The following SHISA9 variants were observed in gnomAD, a reference collection of about 807,000 sequenced individuals.
The protein encoded by SHISA9 is shisa family member 9, also known as protein shisa-9.
In SHISA9, 13 loss-of-function variants were observed where a neutral mutation model predicts 38.0. The observed-to-expected ratio is 0.34, with a 90% confidence interval of 0.22 to 0.54. The LOEUF is 0.54. SHISA9 is among the 20% of genes least tolerant of loss of function. The probability of loss-of-function intolerance (pLI) is 0.91; values close to 1 mark genes in which losing one functional copy is unlikely to be tolerated. For synonymous variants in SHISA9, 275 were observed against 242.0 expected, an observed-to-expected ratio of 1.14 and a Z score of -1.27; for missense variants, 538 against 575.8, an observed-to-expected ratio of 0.93 and a Z score of 0.67.
At chr16:13,424,432 G>A in the SHISA9 span, among the ~76,000 whole-genome samples, 3 of 152,156 alleles carry the variant, frequency 2.0e-5, no homozygotes, top group African/African-American at 7.2e-5. Flanking sequence ...AAACCCCTAG[G>A]CATCAGCCCT....
At chr16:13,146,142 AT>A (rs1213037661) in intron 2 of SHISA9, among the ~76,000 whole-genome samples, 4 of 152,216 alleles carry the variant, frequency 2.6e-5, no homozygotes, top group African/African-American at 9.6e-5. Flanking sequence ...GTGAGCCGAG[AT>A]TGCACCACTG....
the SHISA9 span, among the ~76,000 whole-genome samples, chr16:13,435,185 A>G: frequency 1.3e-5 from 2 of 151,662 alleles, no homozygotes; most frequent in African/African-American, 4.8e-5. Context: ...CATTTTAACC[A>G]TATTTATTCC....
the SHISA9 span, among the ~76,000 whole-genome samples, chr16:13,477,439 C>T: frequency 6.6e-6 from 1 of 152,170 alleles, no homozygotes; most frequent in Non-Finnish European, 1.5e-5. Context: ...CATATAAAAT[C>T]ACAGAGGCTT....
chr16:13,400,625 T>G, the SHISA9 span, among the ~76,000 whole-genome samples: 1 of 152,204 alleles, frequency 6.6e-6, no homozygotes, highest in Non-Finnish European at 1.5e-5. Flanking sequence ...GGAAGACAGT[T>G]GCTGCCAGGG....
At chr16:13,549,910 C>G in the SHISA9 span, among the ~76,000 whole-genome samples, 1 of 151,806 alleles carries the variant, frequency 6.6e-6, no homozygotes, top group Admixed American at 6.6e-5. Context: ...GTAATCCCAG[C>G]TACTTGGGAG....
chr16:13,511,248 A>G, the SHISA9 span, among the ~76,000 whole-genome samples: 1 of 152,212 alleles, frequency 6.6e-6, no homozygotes, highest in African/African-American at 2.4e-5. Context: ...CTGTATTGCT[A>G]GATATAGGGA....
At chr16:13,274,002 A>C in the SHISA9 span, among the ~76,000 whole-genome samples, 10 of 152,158 alleles carry the variant, frequency 6.6e-5, no homozygotes, top group Non-Finnish European at 2.9e-5. Context: ...TTTAGAAAAG[A>C]ATCATTCACT....
chr16:13,065,857 A>G (rs1333205475), intron 2 of SHISA9, among the ~76,000 whole-genome samples: 4 of 152,242 alleles, frequency 2.6e-5, no homozygotes, highest in Admixed American at 2.6e-4. Context: ...CAAAGGACTG[A>G]CTTCCACAGC....
At chr16:13,256,405 T>C in the SHISA9 span, among the ~76,000 whole-genome samples, 108,998 of 152,116 alleles carry the variant, frequency 0.72, 39,231 homozygotes, top group Admixed American at 0.79. Flanking sequence ...CCTCCGCCTC[T>C]CAAGTAGCTG....
chr16:13,023,207 C>T (rs2072878789), intron 2 of SHISA9, among the ~76,000 whole-genome samples: 1 of 151,914 alleles, frequency 6.6e-6, no homozygotes, highest in South Asian at 2.1e-4. Flanking sequence ...GTGTGATGTT[C>T]CCCACCCTGT....
At chr16:13,321,988 C>G in the SHISA9 span, among the ~76,000 whole-genome samples, 1 of 152,182 alleles carries the variant, frequency 6.6e-6, no homozygotes, top group African/African-American at 2.4e-5. Context: ...TCAACAAGTG[C>G]TCACTAAACG....
At chr16:13,482,492 C>T in the SHISA9 span, among the ~76,000 whole-genome samples, 1 of 152,142 alleles carries the variant, frequency 6.6e-6, no homozygotes, top group South Asian at 2.1e-4. Flanking sequence ...GACACTAAGT[C>T]TTAAAGAGAT....
At chr16:13,251,356 C>T in the SHISA9 span, among the ~76,000 whole-genome samples, 2 of 152,200 alleles carry the variant, frequency 1.3e-5, no homozygotes, top group African/African-American at 2.4e-5. Flanking sequence ...ATTGCCATGA[C>T]AACCAGCTAT....
chr16:13,273,423 C>T, the SHISA9 span, among the ~76,000 whole-genome samples: 3 of 152,100 alleles, frequency 2.0e-5, no homozygotes, highest in Admixed American at 1.3e-4. Flanking sequence ...GTGCTGTTCT[C>T]CTGATAGCGA....
At chr16:13,450,371 C>A in the SHISA9 span, among the ~76,000 whole-genome samples, 2 of 152,184 alleles carry the variant, frequency 1.3e-5, no homozygotes, top group East Asian at 3.9e-4. Flanking sequence ...TTACTCTTAG[C>A]CAAACTGGTC....
intron 2 of SHISA9, among the ~76,000 whole-genome samples, chr16:13,033,883 C>T (rs937168531): frequency 9.9e-5 from 15 of 152,230 alleles, no homozygotes; most frequent in African/African-American, 2.4e-4. Flanking sequence ...CTGTGGCTCA[C>T]GCCTGTAATT....
the SHISA9 span, among the ~76,000 whole-genome samples, chr16:13,522,668 G>A: frequency 2.6e-5 from 4 of 152,156 alleles, no homozygotes; most frequent in South Asian, 8.3e-4. Flanking sequence ...GGTCTAGGCT[G>A]ACCTTATAAA....
downstream of SHISA9, among the ~76,000 whole-genome samples, chr16:13,242,826 G>T (rs1490210090): frequency 3.9e-5 from 6 of 152,290 alleles, no homozygotes; most frequent in East Asian, 1.2e-3. Flanking sequence ...TTTGCTCCTG[G>T]ATGACTGGGA....
the SHISA9 span, among the ~76,000 whole-genome samples, chr16:13,487,853 G>A: frequency 6.6e-6 from 1 of 152,170 alleles, no homozygotes; most frequent in Non-Finnish European, 1.5e-5. Context: ...CAGAGGACTA[G>A]CTCCATGTGC....
Sources: gnomAD v4.1 joint callset for allele counts (sites outside exome capture counted in the v4.1 genomes callset) on GRCh38, gnomAD v4.1.1 for gene constraint, MANE v1.5 for transcripts, NCBI Gene and HGNC (gene_info 2026-07-23, HGNC 2026-07-21) for gene names.